Variants in SPATA6L observed in about 807,000 individuals in gnomAD.
SPATA6L encodes spermatogenesis associated 6 like.
A neutral mutation model predicts 49.2 loss-of-function variants in SPATA6L; 68 were observed. The observed-to-expected ratio is 1.38, with a 90% CI of 1.14 to 1.69. SPATA6L has a LOEUF of 1.69. Ranked by LOEUF, SPATA6L falls within the 40% of genes most tolerant of loss-of-function variation. The pLI is 0.00. For missense variants in SPATA6L, 668 were observed against 464.3 expected, an observed-to-expected ratio of 1.44 and a Z score of -4.03; for synonymous variants, 198 against 165.7, an observed-to-expected ratio of 1.19 and a Z score of -1.50.
At chr9:4,620,284 C>G (rs1828982105) in intron 7 of SPATA6L, among the ~76,000 whole-genome samples, 1 of 137,642 alleles carries the variant, frequency 7.3e-6, no homozygotes, top group South Asian at 2.5e-4. Context: ...GGCCTCATAA[C>G]CCTGTGGCCT....
At chr9:4,615,961 T>C (rs1288820898) in intron 9 of SPATA6L, among the ~76,000 whole-genome samples, 1 of 152,148 alleles carries the variant, frequency 6.6e-6, no homozygotes, top group Non-Finnish European at 1.5e-5. Flanking sequence ...ATCAAACCCA[T>C]TTTAAAGATG....
chr9:4,656,570 T>C (rs1020360494), intron 2 of SPATA6L, among the ~76,000 whole-genome samples: 33 of 152,180 alleles, frequency 2.2e-4, no homozygotes, highest in African/African-American at 6.3e-4. Flanking sequence ...CATAACATTT[T>C]AGAATTCAGC....
At chr9:4,605,964 C>T (rs201732748) in intron 9 of SPATA6L, among the ~76,000 whole-genome samples, 9 of 152,044 alleles carry the variant, frequency 5.9e-5, no homozygotes, top group Non-Finnish European at 1.0e-4. Context: ...GCACCGTGCG[C>T]GAGCCGAAGC....
chr9:4,618,440 G>T (rs1828519854), intron 8 of SPATA6L, among the ~76,000 whole-genome samples: 1 of 152,142 alleles, frequency 6.6e-6, no homozygotes, highest in Admixed American at 6.5e-5. Context: ...TAAGCGCTAT[G>T]GCATAAGAAG....
chr9:4,615,005 C>G (rs999588858), intron 9 of SPATA6L, among the ~76,000 whole-genome samples: 4 of 152,162 alleles, frequency 2.6e-5, no homozygotes, highest in Non-Finnish European at 5.9e-5. Flanking sequence ...AGGTCCCCCT[C>G]AAACCTTTGA....
intron 9 of SPATA6L, among the ~76,000 whole-genome samples, chr9:4,615,018 C>T (rs1468410729): frequency 6.6e-6 from 1 of 152,180 alleles, no homozygotes; most frequent in Non-Finnish European, 1.5e-5. Flanking sequence ...ACCTTTGAGT[C>T]CTGGCACTGA....
chr9:4,616,103 C>G (rs757396989), intron 9 of SPATA6L, among the ~76,000 whole-genome samples: 1 of 152,082 alleles, frequency 6.6e-6, no homozygotes, highest in African/African-American at 2.4e-5. Context: ...GAGACCCCAT[C>G]TTTACAAAAA....
chr9:4,604,096 T>C, intron 11 of SPATA6L, 83 bp downstream of exon 11: 2 of 880,880 alleles, frequency 2.3e-6, no homozygotes, highest in South Asian at 1.7e-5. Context: ...AGTTACTTCA[T>C]ATTGATAGGA....
rs535948470 is a variant in SPATA6L, at chr9:4,655,611, C to T, written c.226+430G>A. On this transcript the variant is annotated intron_variant, in intron 3 of 11. Transcript: ENST00000682582. ...CCACCCAGTCTGGAGTGCAATGGCACGATTTCGGCTCACTGTAACCTCCGC... is the reference window on the plus strand; with the variant it reads ...CCACCCAGTCTGGAGTGCAATGGCATGATTTCGGCTCACTGTAACCTCCGC... 3.3e-5 allele frequency among the ~76,000 whole-genome samples: 5 copies of T among 151,804 alleles called. No homozygotes were observed. In the South Asian group the frequency reaches 8.3e-4, roughly 25 times the overall value.
At chr9:4,615,311 G>C (rs1489402325) in intron 9 of SPATA6L, among the ~76,000 whole-genome samples, 1 of 152,068 alleles carries the variant, frequency 6.6e-6, no homozygotes, top group Non-Finnish European at 1.5e-5. Flanking sequence ...CAAGTTTTCA[G>C]AGATCAGGAG....
intron 1 of SPATA6L, chr9:4,664,928 G>C (rs1479755603): frequency 6.0e-6 from 1 of 167,076 alleles, no homozygotes; most frequent in Non-Finnish European, 1.5e-5. Flanking sequence ...AAGTGGTTTG[G>C]GTTTGTTGTT....
chr9:4,638,786 TTTTC>T (rs1218950205), intron 3 of SPATA6L, among the ~76,000 whole-genome samples: 1,430 of 125,052 alleles, frequency 0.011, 27 homozygotes, highest in African/African-American at 0.056. Flanking sequence ...TTTTCTTTTC[TTTTC>T]TTTTTTTTTT....
At position 4,666,198 on chromosome 9, in the gene SPATA6L, C is replaced by T. The variant is rs1036410961; in HGVS notation, c.39+14G>A. 5.6e-6 allele frequency: 9 copies of T among 1,614,000 alleles called. No homozygotes were observed. The highest frequency in any genetic ancestry group is 7.6e-6 in the Non-Finnish European group (9 of 1,179,942). ...GACTTGAGGTTAAGGAGGGGGAGTTCATCGATCTCTTACCGCCCGGATCTG... is the reference window on the plus strand; with the variant it reads ...GACTTGAGGTTAAGGAGGGGGAGTTTATCGATCTCTTACCGCCCGGATCTG... On this transcript the variant is annotated intron_variant, in intron 1 of 11. Coordinates refer to ENST00000682582, the MANE Select transcript of SPATA6L (RefSeq NM_001353486.2).
At chr9:4,615,485 G>C (rs1269617900) in intron 9 of SPATA6L, among the ~76,000 whole-genome samples, 2 of 152,176 alleles carry the variant, frequency 1.3e-5, no homozygotes. Context: ...CCGTTGGCCA[G>C]AGTTGAGAAT....
intron 3 of SPATA6L, among the ~76,000 whole-genome samples, chr9:4,636,644 G>C (rs1312025375): frequency 6.6e-6 from 1 of 152,104 alleles, no homozygotes; most frequent in Admixed American, 6.5e-5. Context: ...ATTCTGATGA[G>C]GGTTGCTTTG....
Position 4,622,502 on chromosome 9 carries a change from A to G in SPATA6L, c.678T>C (p.Ser226=), listed in dbSNP as rs1829556235. ...KPPFVVRHVD[S]AKPFGENISE... Reference sequence around the variant, plus strand: ...AAATATTCTCACCAAAGGGCTTTGCACTGTCCACCTGAAAGTAAAGGAAAG... The same window carrying G: ...AAATATTCTCACCAAAGGGCTTTGCGCTGTCCACCTGAAAGTAAAGGAAAG... The change falls in exon 7 of 12, where the codon AGT becomes AGC. Residue 226 remains serine (S), a synonymous_variant. Coordinates refer to ENST00000682582, the MANE Select transcript of SPATA6L (RefSeq NM_001353486.2). 2 of 1,609,430 alleles carry G rather than the reference A, an allele frequency of 1.2e-6. No individual in the cohort carries two copies. Among genetic ancestry groups the G allele is most frequent in the East Asian group, 4.5e-5 (2 of 44,858 alleles).
intron 3 of SPATA6L, among the ~76,000 whole-genome samples, chr9:4,638,090 A>G (rs928996063): frequency 6.6e-6 from 1 of 152,276 alleles, no homozygotes; most frequent in Non-Finnish European, 1.5e-5. Flanking sequence ...ACAGTCTAAG[A>G]GTATTAAACA....
chr9:4,627,933 T>A (rs1349704159), intron 5 of SPATA6L: 10 of 637,600 alleles, frequency 1.6e-5, no homozygotes, highest in Non-Finnish European at 2.2e-5. Flanking sequence ...CAGCCATTAT[T>A]TTTTATGTCT....
chr9:4,588,994 C>T (rs1036823706), intron 13 of SPATA6L: 3 of 152,178 alleles, frequency 2.0e-5, no homozygotes, highest in Non-Finnish European at 2.9e-5. Context: ...GTCTAGCAGC[C>T]TTGGAAGGCT....
Sources: gnomAD v4.1 joint callset for allele counts (sites outside exome capture counted in the v4.1 genomes callset) on GRCh38, gnomAD v4.1.1 for gene constraint, MANE v1.5 for transcripts, NCBI Gene and HGNC (gene_info 2026-07-23, HGNC 2026-07-21) for gene names.